Variants in PPP2R2C observed in about 807,000 individuals in gnomAD.
PPP2R2C encodes protein phosphatase 2, regulatory subunit B, gamma.
PPP2R2C carries 10 observed loss-of-function variants against 45.3 expected under a neutral mutation model. The observed-to-expected ratio is 0.22, with a 90% confidence interval of 0.14 to 0.37. The LOEUF (loss-of-function observed/expected upper bound fraction) is 0.37, where lower values mean the gene tolerates loss of function less well. Ranked by LOEUF, PPP2R2C falls within the 10% of genes least tolerant of loss-of-function variation. The pLI is 1.00. For missense variants in PPP2R2C, 308 were observed against 619.7 expected (o/e 0.50, Z 5.34); for synonymous variants, 257 against 245.4 (o/e 1.05, Z -0.44).
chr4:6,361,675 C>T (rs1431295067), intron 5 of PPP2R2C, among the ~76,000 whole-genome samples: 1 of 152,202 alleles, frequency 6.6e-6, no homozygotes, highest in Non-Finnish European at 1.5e-5. Flanking sequence ...GTGCTTGTCA[C>T]CCCCTGGGAG....
chr4:6,477,825 C>A (rs1249186795), intron 2 of PPP2R2C, among the ~76,000 whole-genome samples: 1 of 152,122 alleles, frequency 6.6e-6, no homozygotes, highest in Admixed American at 6.5e-5. Context: ...GCCTTCACCC[C>A]CCACAGCCTG....
chr4:6,365,890 G>A (rs1316401599), intron 5 of PPP2R2C, among the ~76,000 whole-genome samples: 2 of 152,190 alleles, frequency 1.3e-5, no homozygotes, highest in Non-Finnish European at 2.9e-5. Flanking sequence ...AAATAAAGCA[G>A]AGGTCCATCC....
chr4:6,553,208 G>A (rs749723267), intron 1 of PPP2R2C, among the ~76,000 whole-genome samples: 21 of 152,194 alleles, frequency 1.4e-4, no homozygotes, highest in African/African-American at 2.7e-4. Context: ...GGAGAAGAAC[G>A]GGGAGTGTTC....
At chr4:6,496,689 C>T (rs1219614330) in intron 2 of PPP2R2C, among the ~76,000 whole-genome samples, 1 of 152,020 alleles carries the variant, frequency 6.6e-6, no homozygotes, top group Non-Finnish European at 1.5e-5. Flanking sequence ...TGGTGAAACC[C>T]TATCTCTACT....
In PPP2R2C at chr4:6,349,961, T is replaced by A. The variant is rs573506280; in HGVS notation, c.626-1951A>T. 79 of 985,070 alleles carry A rather than the reference T, an allele frequency of 8.0e-5. No homozygotes were observed. In the African/African-American group the frequency reaches 1.3e-3, roughly 16 times the overall value. 61.0% of individuals were successfully genotyped at this position (985,070 alleles called of 1,614,324 possible). On this transcript the variant is annotated intron_variant, in intron 5 of 8. Coordinates refer to ENST00000382599, the MANE Select transcript of PPP2R2C (RefSeq NM_020416.4). ...GTTTATAAAATGCCAGGGAAAAAAATGGCTGATCTGTGCAGTCAGAAAGCA... is the reference window on the plus strand; with the variant it reads ...GTTTATAAAATGCCAGGGAAAAAAAAGGCTGATCTGTGCAGTCAGAAAGCA...
At chr4:6,347,793 ACCCG>A in intron 6 of PPP2R2C, 49 bp downstream of exon 6, 2 of 535,896 alleles carry the variant, frequency 3.7e-6, no homozygotes, top group Middle Eastern at 5.2e-4. Flanking sequence ...AGGACATCCC[ACCCG>A]CCCGCCTGCC....
chr4:6,449,943 G>A (rs1356680463), intron 1 of PPP2R2C, among the ~76,000 whole-genome samples: 2 of 152,178 alleles, frequency 1.3e-5, no homozygotes, highest in East Asian at 3.8e-4. Flanking sequence ...AGGCTTCGGC[G>A]CCACCTCCTC....
intron 1 of PPP2R2C, among the ~76,000 whole-genome samples, chr4:6,416,944 T>C (rs1408172749): frequency 6.6e-6 from 1 of 151,948 alleles, no homozygotes; most frequent in Non-Finnish European, 1.5e-5. Flanking sequence ...CAGCCCCGCC[T>C]CTCCTCTCTT....
chr4:6,435,350 ACT>A (rs1425194363), intron 1 of PPP2R2C, among the ~76,000 whole-genome samples: 9 of 150,876 alleles, frequency 6.0e-5, no homozygotes, highest in Non-Finnish European at 4.4e-5. Flanking sequence ...ATCAGGTTTC[ACT>A]CTCTTCTGTC....
chr4:6,419,600 C>T (rs1046546145), intron 1 of PPP2R2C, among the ~76,000 whole-genome samples: 1 of 152,188 alleles, frequency 6.6e-6, no homozygotes, highest in African/African-American at 2.4e-5. Context: ...GACTCCTCTT[C>T]TGGGATGTTA....
intron 1 of PPP2R2C, among the ~76,000 whole-genome samples, chr4:6,435,220 A>G (rs1011635206): frequency 7.9e-5 from 12 of 151,674 alleles, no homozygotes; most frequent in African/African-American, 2.9e-4. Flanking sequence ...GCTTTTCCCA[A>G]TCTCATCTTC....
chr4:6,348,143 C>A, intron 5 of PPP2R2C, 133 bp from the exon 6 acceptor site: 2 of 1,041,004 alleles, frequency 1.9e-6, no homozygotes, highest in East Asian at 5.0e-5. Flanking sequence ...GTTCCTGAGA[C>A]CCTCAAAATG....
At chr4:6,554,914 GGAAGGAAGGAAGGAAGGAAAGAAAGAAA>G (rs1398123406) in intron 1 of PPP2R2C, among the ~76,000 whole-genome samples, 5 of 84,262 alleles carry the variant, frequency 5.9e-5, no homozygotes, top group African/African-American at 1.4e-4. Context: ...AAGGAAGGAA[GGAAGGAAGGAAGGAAGGAAAGAAAGAAA>G]GAAAGAAAGA....
chr4:6,338,827 A>G (rs1733206570), intron 6 of PPP2R2C, among the ~76,000 whole-genome samples: 1 of 151,942 alleles, frequency 6.6e-6, no homozygotes, highest in Non-Finnish European at 1.5e-5. Flanking sequence ...CTGCCCCGCC[A>G]TGTGCTGGGC....
At chr4:6,540,482 G>T (rs1051184611) in intron 1 of PPP2R2C, among the ~76,000 whole-genome samples, 2 of 152,206 alleles carry the variant, frequency 1.3e-5, no homozygotes, top group Non-Finnish European at 2.9e-5. Flanking sequence ...TCAGTTGATG[G>T]ACATTTGGGT....
chr4:6,476,949 G>C (rs1044954202), upstream of PPP2R2C, among the ~76,000 whole-genome samples: 3 of 152,164 alleles, frequency 2.0e-5, no homozygotes, highest in Non-Finnish European at 4.4e-5. Context: ...CTGTGGCTCA[G>C]CATTCATGTG....
chr4:6,531,453 C>T (rs987923350), intron 2 of PPP2R2C, among the ~76,000 whole-genome samples: 2 of 152,178 alleles, frequency 1.3e-5, no homozygotes, highest in African/African-American at 2.4e-5. Flanking sequence ...CAGCTACAAC[C>T]GCCAGGAAAC....
At chr4:6,341,457 G>C (rs1733442342) in intron 6 of PPP2R2C, among the ~76,000 whole-genome samples, 1 of 152,116 alleles carries the variant, frequency 6.6e-6, no homozygotes, top group Non-Finnish European at 1.5e-5. Flanking sequence ...GACTCTCTGA[G>C]GCTCTATCTT....
chr4:6,542,969 A>G (rs1033312530), intron 1 of PPP2R2C, among the ~76,000 whole-genome samples: 2 of 152,240 alleles, frequency 1.3e-5, no homozygotes. Flanking sequence ...CCCAACAGGA[A>G]AAAAAGCAGG....
Sources: allele counts gnomAD v4.1 joint callset (sites outside exome capture counted in the v4.1 genomes callset), GRCh38; gene constraint gnomAD v4.1.1; transcripts MANE v1.5; gene names NCBI Gene and HGNC (gene_info 2026-07-23, HGNC 2026-07-21).